Variants in DNAH5 observed in about 807,000 individuals in gnomAD.
DNAH5 encodes the protein dynein axonemal heavy chain 5.
In DNAH5, 372 loss-of-function variants were observed where a neutral mutation model predicts 518.2. The observed-to-expected ratio is 0.72, with a 90% CI of 0.66 to 0.78. The LOEUF is 0.78. Among genes scored for constraint, DNAH5 ranks in the 30% least tolerant of loss-of-function variants. The pLI, the probability that DNAH5 is intolerant of heterozygous loss-of-function variation, is 0.00. For missense variants in DNAH5, 5,523 were observed against 5,687.0 expected (o/e 0.97, Z 0.93); for synonymous variants, 2,039 against 2,025.9 (o/e 1.01, Z -0.17).
At chr5:13,728,557 G>A (rs1178326066) in intron 69 of DNAH5, among the ~76,000 whole-genome samples, 1 of 152,144 alleles carries the variant, frequency 6.6e-6, no homozygotes, top group Non-Finnish European at 1.5e-5. Context: ...GTCTAGGCAA[G>A]GCCACTGGGG....
At position 13,752,175 on chromosome 5, in the gene DNAH5, C is replaced by T; in HGVS notation, c.10987G>A (p.Val3663Ile). Reference sequence around the variant, plus strand: ...GTTTTAATGAAGTTTCTTTCCAAAACATTATCTAGTGCTGGATCTAGTTCC... The same window carrying T: ...GTTTTAATGAAGTTTCTTTCCAAAATATTATCTAGTGCTGGATCTAGTTCC... ...GEELDPALDN[V>I]LERNFIKTGS... Residue 3663 changes from valine (V) to isoleucine (I), a missense_variant, in exon 64 of 79, where the codon GTT (valine) becomes ATT (isoleucine). By Grantham distance (29) the Val-to-Ile change is conservative (BLOSUM62 3). This residue lies in a region of DNAH5 where 5,121 missense variants were observed against 5,223.3 expected (regional missense o/e 0.98). Coordinates refer to ENST00000265104, the MANE Select transcript of DNAH5 (RefSeq NM_001369.3). 6.2e-7 allele frequency: 1 copy of T among 1,613,998 alleles called. No individual in the cohort carries two copies. Among genetic ancestry groups the T allele is most frequent in the Non-Finnish European group, 8.5e-7 (1 of 1,179,948 alleles).
chr5:13,935,937 C>T (rs571303729), intron 1 of DNAH5, among the ~76,000 whole-genome samples: 150 of 152,284 alleles, frequency 9.9e-4, no homozygotes, highest in Non-Finnish European at 1.9e-3. Flanking sequence ...GAAAAAGCAC[C>T]AGTGAATAGG....
chr5:13,800,359 C>T (rs1212676431), intron 47 of DNAH5, among the ~76,000 whole-genome samples: 1 of 152,134 alleles, frequency 6.6e-6, no homozygotes, highest in Non-Finnish European at 1.5e-5. Flanking sequence ...CATAACATCA[C>T]AAAAATAAGC....
intron 44 of DNAH5, among the ~76,000 whole-genome samples, chr5:13,810,893 T>G (rs1197870654): frequency 6.6e-6 from 1 of 151,992 alleles, no homozygotes; most frequent in Non-Finnish European, 1.5e-5. Flanking sequence ...GGAGTACTAT[T>G]CAGCCATAAA....
chr5:13,851,925 C>G (rs1406174244), intron 30 of DNAH5, among the ~76,000 whole-genome samples: 2 of 151,860 alleles, frequency 1.3e-5, no homozygotes, highest in South Asian at 4.2e-4. Context: ...CCACGGAGGG[C>G]AAGTAGAAGC....
intron 43 of DNAH5, among the ~76,000 whole-genome samples, chr5:13,812,984 C>T (rs1021434698): frequency 1.3e-5 from 2 of 152,086 alleles, no homozygotes; most frequent in Admixed American, 1.3e-4. Flanking sequence ...TTGATGGAAC[C>T]GAAAGACGAC....
chr5:13,875,622 A>G (rs1034406915), intron 22 of DNAH5, among the ~76,000 whole-genome samples: 14 of 152,174 alleles, frequency 9.2e-5, no homozygotes, highest in African/African-American at 3.1e-4. Flanking sequence ...TTTATTTTCT[A>G]GGAATACTGA....
intron 2 of DNAH5, among the ~76,000 whole-genome samples, chr5:13,929,507 A>C (rs1034263474): frequency 6.6e-6 from 1 of 152,236 alleles, no homozygotes; most frequent in African/African-American, 2.4e-5. Context: ...ACTACATCTT[A>C]AAATAATGTT....
At position 13,922,107 on chromosome 5, in the gene DNAH5, C is replaced by T. The variant is rs139881490; in HGVS notation, c.660G>A (p.Lys220=). 5 of 1,613,810 alleles carry T rather than the reference C, an allele frequency of 3.1e-6. No homozygotes were observed. Among genetic ancestry groups the T allele is most frequent in the Non-Finnish European group, 4.2e-6 (5 of 1,179,966 alleles). Reference sequence around the variant, plus strand: ...AAAGGAACAGCTTATTCGTCCTCACCTTCTCCTTCAGACTCTCCTGTGCAC... The same window carrying T: ...AAAGGAACAGCTTATTCGTCCTCACTTTCTCCTTCAGACTCTCCTGTGCAC... ...LSGAQESLKE[K]VNLRKCDILE... Residue 220 remains lysine (K), a splice_region_variant and synonymous_variant, in exon 5 of 79, where the codon AAG becomes AAA. Transcript: ENST00000265104.
rs1773157546 is a variant in DNAH5, at chr5:13,891,077, A to G, written c.2476T>C (p.Phe826Leu). 1 of 1,614,004 alleles carries G rather than the reference A, an allele frequency of 6.2e-7. No individual in the cohort carries two copies. The highest frequency in any genetic ancestry group is 1.1e-5 in the South Asian group (1 of 91,082). ...LLDRVNDLIE[F>L]RIDAILEEMS... ...TCTTCTAGAATGGCATCAATGCGGAACTCAATCAAATCATTGACCCTGTCA... is the reference window on the plus strand; with the variant it reads ...TCTTCTAGAATGGCATCAATGCGGAGCTCAATCAAATCATTGACCCTGTCA... The change falls in exon 17 of 79, where the codon TTC (phenylalanine) becomes CTC (leucine). Residue 826 changes from phenylalanine (F) to leucine (L), a missense_variant. By Grantham distance (22) the Phe-to-Leu change is conservative. This residue lies in a region of DNAH5 where 5,121 missense variants were observed against 5,223.3 expected (regional missense o/e 0.98). Transcript: ENST00000265104.
intron 1 of DNAH5, among the ~76,000 whole-genome samples, chr5:13,957,988 C>A (rs888966153): frequency 6.6e-6 from 1 of 151,106 alleles, no homozygotes; most frequent in Non-Finnish European, 1.5e-5. Flanking sequence ...GTATATATAC[C>A]TTTATTTTTA....
intron 1 of DNAH5, among the ~76,000 whole-genome samples, chr5:13,940,190 AT>A (rs1416698660): frequency 6.6e-6 from 1 of 152,086 alleles, no homozygotes; most frequent in Non-Finnish European, 1.5e-5. Flanking sequence ...CTCCCCCGAC[AT>A]TCCATCATCC....
intron 13 of DNAH5, 72 bp downstream of exon 13, chr5:13,901,980 AT>A: frequency 9.3e-7 from 1 of 1,070,840 alleles, no homozygotes; most frequent in East Asian, 2.6e-5. Flanking sequence ...TGAAATAATA[AT>A]AATAGGAATA....
intron 69 of DNAH5, 124 bp downstream of exon 69, chr5:13,729,315 T>C (rs1461972304): frequency 2.3e-6 from 3 of 1,330,442 alleles, no homozygotes; most frequent in Non-Finnish European, 3.2e-6. Flanking sequence ...GTCAAGCACA[T>C]GTAATACCAT....
chr5:13,725,925 TA>T (rs1320872147), intron 70 of DNAH5, among the ~76,000 whole-genome samples: 3 of 152,190 alleles, frequency 2.0e-5, no homozygotes, highest in African/African-American at 7.2e-5. Flanking sequence ...GTGCTGGGAT[TA>T]CAGGTGTGAG....
chr5:13,722,363 A>G (rs1461663097), intron 70 of DNAH5, among the ~76,000 whole-genome samples: 1 of 152,208 alleles, frequency 6.6e-6, no homozygotes, highest in Non-Finnish European at 1.5e-5. Context: ...TTCATCCTCA[A>G]AATGTACCCC....
intron 30 of DNAH5, among the ~76,000 whole-genome samples, chr5:13,857,313 A>T: frequency 6.6e-6 from 1 of 152,230 alleles, no homozygotes; most frequent in Non-Finnish European, 1.5e-5. Flanking sequence ...AAGGGATGTG[A>T]AGGACCTCTT....
At chr5:13,765,743 AT>A (rs937151332) in intron 59 of DNAH5, among the ~76,000 whole-genome samples, 1 of 152,174 alleles carries the variant, frequency 6.6e-6, no homozygotes, top group Non-Finnish European at 1.5e-5. Flanking sequence ...TCTTAAAATG[AT>A]TTTTTTAACT....
chr5:13,834,164 C>T (rs1209580789), intron 35 of DNAH5, among the ~76,000 whole-genome samples: 1 of 152,138 alleles, frequency 6.6e-6, no homozygotes, highest in Non-Finnish European at 1.5e-5. Context: ...GGTAAACAGA[C>T]AAACTTCAGA....
Sources: gnomAD v4.1 joint callset for allele counts (sites outside exome capture counted in the v4.1 genomes callset) on GRCh38, gnomAD v4.1.1 for gene constraint, gnomAD v4.1.1 regional missense constraint, MANE v1.5 for transcripts, NCBI Gene and HGNC (gene_info 2026-07-23, HGNC 2026-07-21) for gene names.